CNTNAP5: variants seen among roughly 807,000 people sequenced by gnomAD.
CNTNAP5 encodes contactin-associated protein-like 5.
In CNTNAP5, 72 loss-of-function variants were observed where a neutral mutation model predicts 150.2. That is an observed-to-expected ratio of 0.48 (90% confidence interval 0.40 to 0.58). The LOEUF is 0.58. Among genes scored for constraint, CNTNAP5 ranks in the 20% least tolerant of loss-of-function variants. The probability of loss-of-function intolerance (pLI) is 0.00; values close to 1 mark genes in which losing one functional copy is unlikely to be tolerated. For missense variants in CNTNAP5, 1,636 were observed against 1,626.2 expected (o/e 1.01, Z -0.10); for synonymous variants, 672 against 619.8 (o/e 1.08, Z -1.25).
chr2:124,463,875 C>T (rs1308800212), intron 6 of CNTNAP5, among the ~76,000 whole-genome samples: 1 of 151,954 alleles, frequency 6.6e-6, no homozygotes, highest in Non-Finnish European at 1.5e-5. Context: ...TGTGGAATTC[C>T]AGCTCTTTAC....
chr2:124,236,731 G>C (rs781399458), intron 2 of CNTNAP5, among the ~76,000 whole-genome samples: 1 of 152,028 alleles, frequency 6.6e-6, no homozygotes, highest in Non-Finnish European at 1.5e-5. Context: ...AGTTTCATAG[G>C]GCCTTCTGGA....
In CNTNAP5 at chr2:124,920,923, T is replaced by A. The variant is rs1678858995; in HGVS notation, c.*6635T>A. Among the ~76,000 whole-genome samples the A allele has an allele frequency of 6.6e-6, 1 of 152,130 alleles. No homozygotes were observed. The highest frequency in any genetic ancestry group is 1.5e-5 in the Non-Finnish European group (1 of 68,016). Reference sequence around the variant, plus strand: ...ACAAAAATACACATATGTCAGACTCTTTATTATGGTAAAAGCACAAAACAG... The same window carrying A: ...ACAAAAATACACATATGTCAGACTCATTATTATGGTAAAAGCACAAAACAG... On this transcript the variant is annotated 3_prime_UTR_variant, in exon 24 of 24. Coordinates refer to ENST00000682447, the MANE Select transcript of CNTNAP5 (RefSeq NM_001367498.1).
chr2:124,884,267 G>T (rs1678033947), intron 21 of CNTNAP5, among the ~76,000 whole-genome samples: 1 of 151,920 alleles, frequency 6.6e-6, no homozygotes, highest in Non-Finnish European at 1.5e-5. Context: ...GTATGTGTAT[G>T]GGAATACTTG....
intron 21 of CNTNAP5, among the ~76,000 whole-genome samples, chr2:124,884,707 G>T (rs1678043263): frequency 6.6e-6 from 1 of 151,934 alleles, no homozygotes; most frequent in African/African-American, 2.4e-5. Flanking sequence ...GACAAGAGCT[G>T]GTGGATGTCA....
At chr2:124,455,898 A>G (rs1693106850) in intron 6 of CNTNAP5, among the ~76,000 whole-genome samples, 1 of 152,188 alleles carries the variant, frequency 6.6e-6, no homozygotes, top group South Asian at 2.1e-4. Context: ...CAACATTGGC[A>G]TGCAAGGGAC....
chr2:124,281,700 G>A (rs1033787700), intron 3 of CNTNAP5, among the ~76,000 whole-genome samples: 2 of 152,176 alleles, frequency 1.3e-5, no homozygotes, highest in Admixed American at 1.3e-4. Flanking sequence ...AAGAACAGGA[G>A]AAATGAGCTT....
intron 3 of CNTNAP5, among the ~76,000 whole-genome samples, chr2:124,304,827 C>T: frequency 6.6e-6 from 1 of 152,128 alleles, no homozygotes; most frequent in South Asian, 2.1e-4. Flanking sequence ...TTCATTCAAC[C>T]TCCATTGTTT....
intron 21 of CNTNAP5, among the ~76,000 whole-genome samples, chr2:124,896,072 G>T (rs1290109157): frequency 6.6e-6 from 1 of 151,452 alleles, no homozygotes; most frequent in East Asian, 1.9e-4. Context: ...TTTAGTTTTA[G>T]GTATCAAAAT....
intron 17 of CNTNAP5, chr2:124,778,621 G>A (rs1358765053): frequency 2.0e-5 from 3 of 153,772 alleles, no homozygotes; most frequent in Non-Finnish European, 2.9e-5. Context: ...CCAGAAGACA[G>A]GAACACATTT....
intron 3 of CNTNAP5, among the ~76,000 whole-genome samples, chr2:124,279,615 T>C (rs1025654537): frequency 6.6e-6 from 1 of 152,136 alleles, no homozygotes; most frequent in Non-Finnish European, 1.5e-5. Context: ...GTTTTACTTA[T>C]CAGGGGATCC....
At chr2:124,337,297 A>C (rs1477115942) in intron 3 of CNTNAP5, among the ~76,000 whole-genome samples, 2 of 152,170 alleles carry the variant, frequency 1.3e-5, no homozygotes, top group Non-Finnish European at 2.9e-5. Flanking sequence ...AGTAGATTGC[A>C]AAAATTTTCT....
chr2:124,435,031 A>C (rs945509227), intron 5 of CNTNAP5, among the ~76,000 whole-genome samples: 1 of 152,204 alleles, frequency 6.6e-6, no homozygotes, highest in Non-Finnish European at 1.5e-5. Context: ...TATTAGGTAC[A>C]TATAAGAAAG....
intron 3 of CNTNAP5, among the ~76,000 whole-genome samples, chr2:124,270,400 T>C (rs545048934): frequency 1.3e-5 from 2 of 152,294 alleles, no homozygotes; most frequent in South Asian, 4.1e-4. Context: ...ATAAAGGCCA[T>C]AGGCCCAGGT....
At chr2:124,299,221 C>A (rs1688513497) in intron 3 of CNTNAP5, among the ~76,000 whole-genome samples, 1 of 152,134 alleles carries the variant, frequency 6.6e-6, no homozygotes, top group African/African-American at 2.4e-5. Flanking sequence ...TTTGTGGCTC[C>A]CCCACAGTGT....
chr2:124,085,848 C>T (rs187099678), intron 1 of CNTNAP5, among the ~76,000 whole-genome samples: 18 of 152,190 alleles, frequency 1.2e-4, no homozygotes, highest in African/African-American at 4.1e-4. Context: ...ATTCTATTTC[C>T]GTCAAATAAT....
chr2:124,329,849 T>G (rs1367649330), intron 3 of CNTNAP5, among the ~76,000 whole-genome samples: 3 of 152,152 alleles, frequency 2.0e-5, no homozygotes, highest in African/African-American at 7.2e-5. Flanking sequence ...ATGGTTAATG[T>G]TTGGTGTAGT....
At chr2:124,499,514 A>T (rs949197001) in intron 7 of CNTNAP5, among the ~76,000 whole-genome samples, 1 of 152,176 alleles carries the variant, frequency 6.6e-6, no homozygotes, top group African/African-American at 2.4e-5. Flanking sequence ...GGCACAACGT[A>T]TGTCTAGAGG....
chr2:124,557,096 A>G (rs1695775069), intron 10 of CNTNAP5, among the ~76,000 whole-genome samples: 1 of 152,080 alleles, frequency 6.6e-6, no homozygotes, highest in Middle Eastern at 3.2e-3. Context: ...CTTTCTAAGT[A>G]CTTAAGCAAT....
chr2:124,276,000 T>C (rs559474814), intron 3 of CNTNAP5, among the ~76,000 whole-genome samples: 1 of 152,294 alleles, frequency 6.6e-6, no homozygotes, highest in South Asian at 2.1e-4. Context: ...TTTTTTGTTG[T>C]TGTTTTCTTT....
Sources: gnomAD v4.1 joint callset for allele counts (sites outside exome capture counted in the v4.1 genomes callset) on GRCh38, gnomAD v4.1.1 for gene constraint, MANE v1.5 for transcripts, NCBI Gene and HGNC (gene_info 2026-07-23, HGNC 2026-07-21) for gene names.